LAMA2: variants seen among roughly 807,000 people sequenced by gnomAD.
The protein encoded by LAMA2 is laminin subunit alpha-2.
Under a neutral mutation model 364.8 loss-of-function variants are expected in LAMA2, and 269 were observed. That is an observed-to-expected ratio of 0.74 (90% CI 0.67 to 0.82). The LOEUF (loss-of-function observed/expected upper bound fraction) is 0.82. LAMA2 is among the 40% of genes least tolerant of loss of function. The pLI is 0.00. For synonymous variants in LAMA2, 1,379 were observed against 1,370.6 expected (o/e 1.01, Z -0.14); for missense variants, 3,807 against 3,873.2 (o/e 0.98, Z 0.45).
chr6:129,200,164 A>T lies in LAMA2; in HGVS notation c.1782+7311A>T, dbSNP rs1438107920. 2.0e-5 allele frequency among the ~76,000 whole-genome samples: 3 copies of T among 148,786 alleles called. 1 individual carries two copies. The highest frequency in any genetic ancestry group is 7.4e-5 in the African/African-American group (3 of 40,774). ...TACACATATACACGTGTATATATAT[A>T]TACGTGTACACATATACATGTGTAT... is the stretch of plus-strand genomic sequence containing the variant. On this transcript the variant is annotated intron_variant, in intron 12 of 64. Transcript: ENST00000421865.
intron 35 of LAMA2, among the ~76,000 whole-genome samples, chr6:129,388,676 C>G (rs568790098): frequency 6.6e-6 from 1 of 152,218 alleles, no homozygotes; most frequent in African/African-American, 2.4e-5. Flanking sequence ...GATTTATACA[C>G]GCACACACAC....
chr6:129,066,038 G>GTATGTCTTTT (rs59543848), intron 3 of LAMA2, among the ~76,000 whole-genome samples: 3,041 of 37,102 alleles, frequency 0.082, 716 homozygotes, highest in South Asian at 0.24. Flanking sequence ...CCAGTCTCAG[G>GTATGTCTTTT]TTTTTTTTTT....
chr6:129,476,624 A>G (rs1562598751), intron 53 of LAMA2, among the ~76,000 whole-genome samples: 1 of 152,192 alleles, frequency 6.6e-6, no homozygotes, highest in Admixed American at 6.5e-5. Flanking sequence ...TATAACTTGT[A>G]GGAGTGATTT....
At chr6:128,975,738 C>A (rs1474831292) in intron 1 of LAMA2, among the ~76,000 whole-genome samples, 1 of 152,174 alleles carries the variant, frequency 6.6e-6, no homozygotes, top group African/African-American at 2.4e-5. Flanking sequence ...CTCTTGCCTG[C>A]CACCATGTAA....
chr6:129,266,673 A>G (rs892266977), intron 15 of LAMA2, among the ~76,000 whole-genome samples: 6 of 152,156 alleles, frequency 3.9e-5, no homozygotes, highest in African/African-American at 1.4e-4. Context: ...GCAAGTGAAC[A>G]CATTCCAGAG....
intron 51 of LAMA2, among the ~76,000 whole-genome samples, chr6:129,471,484 G>C (rs1406089399): frequency 6.6e-6 from 1 of 151,870 alleles, no homozygotes; most frequent in Non-Finnish European, 1.5e-5. Flanking sequence ...TGGCTTGCCT[G>C]TGATAGAGAG....
chr6:128,992,273 A>C (rs1783656481), intron 1 of LAMA2, among the ~76,000 whole-genome samples: 1 of 152,220 alleles, frequency 6.6e-6, no homozygotes, highest in African/African-American at 2.4e-5. Context: ...GGCACCTTAT[A>C]TTAATTTTTA....
At chr6:128,998,424 C>G (rs1228752783) in intron 1 of LAMA2, among the ~76,000 whole-genome samples, 5 of 128,788 alleles carry the variant, frequency 3.9e-5, no homozygotes, top group Admixed American at 7.1e-5. Flanking sequence ...AACAGCTCCG[C>G]TCTACAGCTC....
intron 4 of LAMA2, among the ~76,000 whole-genome samples, chr6:129,135,619 A>G (rs372863373): frequency 3.9e-5 from 6 of 152,354 alleles, no homozygotes; most frequent in African/African-American, 1.4e-4. Flanking sequence ...TTATCCTCTT[A>G]TGATATCTCT....
At chr6:128,931,370 A>G (rs1582707205) in intron 1 of LAMA2, among the ~76,000 whole-genome samples, 1 of 152,176 alleles carries the variant, frequency 6.6e-6, no homozygotes, top group Admixed American at 6.5e-5. Flanking sequence ...ATTATTGAAA[A>G]TTCTTTTGCA....
chr6:129,450,157 GTTT>G (rs138737135), intron 45 of LAMA2, among the ~76,000 whole-genome samples: 82 of 142,186 alleles, frequency 5.8e-4, no homozygotes, highest in African/African-American at 1.9e-3. Flanking sequence ...ATGGAATCCC[GTTT>G]TTTTTTTTTT....
At chr6:129,276,322 T>G (rs1354472326) in intron 17 of LAMA2, among the ~76,000 whole-genome samples, 1 of 152,124 alleles carries the variant, frequency 6.6e-6, no homozygotes, top group Non-Finnish European at 1.5e-5. Context: ...TTTCTAACCC[T>G]AATGATGGAA....
intron 62 of LAMA2, among the ~76,000 whole-genome samples, chr6:129,510,636 A>C (rs998407085): frequency 2.6e-5 from 4 of 152,150 alleles, no homozygotes; most frequent in Non-Finnish European, 4.4e-5. Flanking sequence ...AAGGCAAGTA[A>C]AAATGATTAA....
intron 56 of LAMA2, 149 bp from the exon 57 acceptor site, chr6:129,491,752 T>C (rs1784873146): frequency 1.5e-6 from 1 of 685,366 alleles, no homozygotes; most frequent in South Asian, 1.6e-5. Flanking sequence ...GAGAACAGCG[T>C]TTGCTTAGTG....
chr6:129,424,727 A>C (rs981746988), intron 40 of LAMA2, among the ~76,000 whole-genome samples: 1 of 152,088 alleles, frequency 6.6e-6, no homozygotes, highest in Non-Finnish European at 1.5e-5. Flanking sequence ...ACAAAGATGT[A>C]GGCACATGCA....
intron 14 of LAMA2, 40 bp from the exon 15 acceptor site, chr6:129,260,671 A>G (rs1457936817): frequency 1.7e-6 from 2 of 1,210,342 alleles, no homozygotes; most frequent in African/African-American, 1.5e-5. Flanking sequence ...AATACCTAAG[A>G]ACTTTACTTA....
chr6:129,298,326 A>G (rs542012637), intron 21 of LAMA2, among the ~76,000 whole-genome samples: 2 of 151,812 alleles, frequency 1.3e-5, no homozygotes, highest in Admixed American at 6.6e-5. Context: ...CTTTTCATCT[A>G]CTTTTGGCTG....
intron 12 of LAMA2, among the ~76,000 whole-genome samples, chr6:129,228,205 C>G (rs7771688): frequency 0.13 from 20,216 of 152,098 alleles, 3,358 homozygotes; most frequent in African/African-American, 0.39. Flanking sequence ...TGGGAGTGAC[C>G]CGATTTTCCA....
At chr6:129,491,506 C>A (rs1411804770) in intron 56 of LAMA2, among the ~76,000 whole-genome samples, 2 of 152,166 alleles carry the variant, frequency 1.3e-5, no homozygotes, top group Non-Finnish European at 2.9e-5. Context: ...TGTTCCCTAG[C>A]AAGAAGATAA....
Sources: gnomAD v4.1 joint callset for allele counts (sites outside exome capture counted in the v4.1 genomes callset) on GRCh38, gnomAD v4.1.1 for gene constraint, MANE v1.5 for transcripts, NCBI Gene and HGNC (gene_info 2026-07-23, HGNC 2026-07-21) for gene names.